Variants in LRMDA observed in about 807,000 individuals in gnomAD.
LRMDA encodes the protein leucine rich melanocyte differentiation associated, also known as leucine-rich melanocyte differentiation-associated protein.
LRMDA carries 18 observed loss-of-function variants against 29.8 expected under a neutral mutation model. The observed-to-expected ratio is 0.60, with a 90% CI of 0.42 to 0.90. The LOEUF (loss-of-function observed/expected upper bound fraction) is 0.90, where lower values mean the gene tolerates loss of function less well. Among genes scored for constraint, LRMDA ranks in the 40% least tolerant of loss-of-function variants. LRMDA has a pLI of 0.00. For missense variants in LRMDA, 273 were observed against 273.9 expected (o/e 1.00, Z 0.02); for synonymous variants, 125 against 109.4 (o/e 1.14, Z -0.89).
chr10:76,241,501 T>C (rs1852276646), intron 5 of LRMDA, among the ~76,000 whole-genome samples: 1 of 152,224 alleles, frequency 6.6e-6, no homozygotes, highest in African/African-American at 2.4e-5. Context: ...TTTTCTTCCA[T>C]ATAGTAATTG....
chr10:75,763,045 C>T (rs1036077622), intron 2 of LRMDA, among the ~76,000 whole-genome samples: 2 of 152,142 alleles, frequency 1.3e-5, no homozygotes, highest in African/African-American at 4.8e-5. Context: ...TACATTATCC[C>T]TTTTTTCATG....
intron 2 of LRMDA, among the ~76,000 whole-genome samples, chr10:75,708,660 TA>T (rs899004997): frequency 2.6e-5 from 4 of 151,112 alleles, no homozygotes; most frequent in African/African-American, 9.7e-5. Flanking sequence ...TTGGCTCAAT[TA>T]AAAAAAAATC....
At chr10:76,386,548 T>A (rs1841662081) in intron 6 of LRMDA, among the ~76,000 whole-genome samples, 1 of 152,212 alleles carries the variant, frequency 6.6e-6, no homozygotes. Flanking sequence ...TCAGCCTTGA[T>A]CTTGGTGGAG....
intron 2 of LRMDA, among the ~76,000 whole-genome samples, chr10:75,674,390 G>A (rs1054336148): frequency 4.6e-5 from 7 of 152,116 alleles, no homozygotes; most frequent in Non-Finnish European, 7.4e-5. Flanking sequence ...GAAAGAGCAT[G>A]TTTGAAAGCT....
At chr10:75,506,957 C>A (rs542996185) in intron 2 of LRMDA, among the ~76,000 whole-genome samples, 23 of 152,180 alleles carry the variant, frequency 1.5e-4, no homozygotes, top group East Asian at 5.8e-4. Context: ...CCATTTAGCT[C>A]TCTTGGGGCC....
chr10:76,333,046 T>G (rs1840923538), intron 6 of LRMDA, among the ~76,000 whole-genome samples: 1 of 152,152 alleles, frequency 6.6e-6, no homozygotes, highest in Non-Finnish European at 1.5e-5. Flanking sequence ...CAGGCATGAC[T>G]CTTTGGAGGA....
At position 76,152,154 on chromosome 10, in the gene LRMDA, A is replaced by G. The variant is rs567158950; in HGVS notation, c.516+93371A>G. Reference sequence around the variant, plus strand: ...CCGTCATTCCAAAGAGACACCCCTTAACCATTTATACTTACTCCCAATCTG... The same window carrying G: ...CCGTCATTCCAAAGAGACACCCCTTGACCATTTATACTTACTCCCAATCTG... On this transcript the variant is annotated intron_variant, in intron 5 of 6. Coordinates refer to ENST00000611255, the MANE Select transcript of LRMDA (RefSeq NM_001305581.2). Among the ~76,000 whole-genome samples the G allele has an allele frequency of 2.8e-4, 42 of 152,324 alleles. No individual in the cohort carries two copies. The South Asian group carries it at 8.1e-3, about 29-fold the overall frequency.
chr10:75,577,763 C>T (rs557934054), intron 2 of LRMDA, among the ~76,000 whole-genome samples: 4 of 152,256 alleles, frequency 2.6e-5, no homozygotes, highest in African/African-American at 9.6e-5. Context: ...AATTTTCAAC[C>T]TAGAATTTCA....
intron 6 of LRMDA, among the ~76,000 whole-genome samples, chr10:76,487,299 A>C (rs1564555822): frequency 6.6e-6 from 1 of 151,906 alleles, no homozygotes; most frequent in Non-Finnish European, 1.5e-5. Flanking sequence ...AGACCAGTAG[A>C]TGATTATATT....
intron 2 of LRMDA, among the ~76,000 whole-genome samples, chr10:75,810,929 T>A (rs1843948798): frequency 6.6e-6 from 1 of 152,162 alleles, no homozygotes; most frequent in Admixed American, 6.5e-5. Flanking sequence ...AGTTTCCAGA[T>A]GAGAATAATA....
intron 5 of LRMDA, among the ~76,000 whole-genome samples, chr10:76,212,236 AACACACACAC>A (rs35344389): frequency 4.9e-5 from 7 of 142,844 alleles, no homozygotes; most frequent in African/African-American, 1.0e-4. Context: ...TGAAAATTAA[AACACACACAC>A]ACACACACAC....
intron 2 of LRMDA, among the ~76,000 whole-genome samples, chr10:75,914,335 A>G (rs1845894980): frequency 6.6e-6 from 1 of 152,220 alleles, no homozygotes; most frequent in Non-Finnish European, 1.5e-5. Context: ...ACTTTACTCC[A>G]AATTTAAAAA....
intron 2 of LRMDA, among the ~76,000 whole-genome samples, chr10:75,715,847 A>G (rs1842493720): frequency 8.8e-6 from 1 of 113,460 alleles, no homozygotes; most frequent in South Asian, 2.8e-4. Context: ...TTCTTGAATT[A>G]TAAGCACTTG....
intron 5 of LRMDA, among the ~76,000 whole-genome samples, chr10:76,267,333 TA>T (rs1161312243): frequency 6.6e-6 from 1 of 152,138 alleles, no homozygotes; most frequent in Non-Finnish European, 1.5e-5. Flanking sequence ...AAAATATATA[TA>T]AAAAATTTAC....
At chr10:75,772,869 T>TGGGGGGGGGGG (rs1554824987) in intron 2 of LRMDA, among the ~76,000 whole-genome samples, 3 of 49,788 alleles carry the variant, frequency 6.0e-5, no homozygotes, top group Non-Finnish European at 8.7e-5. Flanking sequence ...GGGGGTGGGA[T>TGGGGGGGGGGG]GGGGGGGGGC....
Position 75,500,284 on chromosome 10 carries a change from A to G in LRMDA, c.131+61790A>G, listed in dbSNP as rs1845097110. ...AATGGTAACTCTTTTTCTGATGACC[A>G]CTAAGATAAATTGTGGGCCTACCTT... On this transcript the variant is annotated intron_variant, in intron 2 of 6. Transcript: ENST00000611255. Among the ~76,000 whole-genome samples the G allele has an allele frequency of 2.0e-5, 3 of 152,150 alleles. No individual in the cohort carries two copies. The South Asian group carries it at 6.2e-4, about 32-fold the overall frequency.
chr10:75,814,527 T>A (rs557393406), intron 2 of LRMDA, among the ~76,000 whole-genome samples: 27 of 152,164 alleles, frequency 1.8e-4, no homozygotes, highest in Non-Finnish European at 3.4e-4. Context: ...TTAAGACACC[T>A]TTTTCCCACT....
intron 6 of LRMDA, among the ~76,000 whole-genome samples, chr10:76,355,229 C>A (rs978130362): frequency 6.6e-6 from 1 of 152,010 alleles, no homozygotes; most frequent in African/African-American, 2.4e-5. Flanking sequence ...TGACTAGAAT[C>A]GGGAATAAGT....
At chr10:76,180,254 C>T (rs1473093550) in intron 5 of LRMDA, among the ~76,000 whole-genome samples, 1 of 150,738 alleles carries the variant, frequency 6.6e-6, no homozygotes, top group Non-Finnish European at 1.5e-5. Context: ...CAGAAAAAGC[C>T]ATGGCCACTG....
Sources: allele counts gnomAD v4.1 joint callset (sites outside exome capture counted in the v4.1 genomes callset), GRCh38; gene constraint gnomAD v4.1.1; transcripts MANE v1.5; gene names NCBI Gene and HGNC (gene_info 2026-07-23, HGNC 2026-07-21).